Variants in SENP6 observed in about 807,000 individuals in gnomAD.
The protein encoded by SENP6 is SUMO specific peptidase 6, also known as sentrin-specific protease 6.
In SENP6, 41 loss-of-function variants were observed where a neutral mutation model predicts 134.5. That is an observed-to-expected ratio of 0.30 (90% CI 0.24 to 0.40). The LOEUF is 0.40. SENP6 is among the 10% of genes least tolerant of loss of function. The probability of loss-of-function intolerance (pLI) is 1.00; values close to 1 mark genes in which losing one functional copy is unlikely to be tolerated. For synonymous variants in SENP6, 395 were observed against 429.8 expected (o/e 0.92, Z 1.00); for missense variants, 1,248 against 1,312.5 (o/e 0.95, Z 0.76).
At chr6:75,713,479 A>G in intron 21 of SENP6, 34 bp from the exon 22 acceptor site, 1 of 1,518,418 alleles carries the variant, frequency 6.6e-7, no homozygotes, top group Non-Finnish European at 9.1e-7. Flanking sequence ...TAATATTATG[A>G]AGTATTCGAC....
chr6:75,629,844 T>G (rs976555047), intron 3 of SENP6, among the ~76,000 whole-genome samples: 2 of 152,162 alleles, frequency 1.3e-5, no homozygotes, highest in Non-Finnish European at 2.9e-5. Flanking sequence ...GACTGCAACC[T>G]GGGAGCATAG....
chr6:75,652,301 A>G (rs1770927750), intron 7 of SENP6, among the ~76,000 whole-genome samples: 2 of 151,824 alleles, frequency 1.3e-5, no homozygotes, highest in South Asian at 4.2e-4. Flanking sequence ...ATGAGCCACC[A>G]CGCCCAGCTG....
Position 75,647,900 on chromosome 6 carries a change from AATAG to A in SENP6, c.550+103_550+106del, listed in dbSNP as rs1232186028. On this transcript the variant is annotated intron_variant, in intron 7 of 23. Coordinates refer to ENST00000447266, the MANE Select transcript of SENP6 (RefSeq NM_015571.4). The stretch of plus-strand genomic sequence containing the variant: ...CTGGCTTTAGAATATTCCCAGGTAT[AATAG>A]ATATATATGTAGAAAACCATTTTTT... The A allele has an allele frequency of 6.9e-6, 6 of 863,730 alleles. No homozygotes were observed. The East Asian group carries it at 1.4e-4, about 20-fold the overall frequency. The allele number at this position is 863,730 out of a possible 1,614,324, so 53.5% of individuals were successfully genotyped here.
At chr6:75,671,365 C>T (rs1772660279) in intron 11 of SENP6, among the ~76,000 whole-genome samples, 2 of 152,114 alleles carry the variant, frequency 1.3e-5, no homozygotes, top group Admixed American at 6.5e-5. Flanking sequence ...AACTTGATGT[C>T]CCTATTTGTT....
chr6:75,650,042 C>A (rs2149851675), intron 7 of SENP6, among the ~76,000 whole-genome samples: 1 of 152,312 alleles, frequency 6.6e-6, no homozygotes, highest in Non-Finnish European at 1.5e-5. Flanking sequence ...ACGATTCATT[C>A]TGTGATCCCA....
intron 8 of SENP6, among the ~76,000 whole-genome samples, chr6:75,662,184 A>G (rs1485268909): frequency 1.3e-5 from 2 of 152,234 alleles, no homozygotes; most frequent in East Asian, 3.8e-4. Context: ...ATTTATGGGT[A>G]GAGTCTTGCA....
intron 23 of SENP6, 65 bp from the exon 24 acceptor site, chr6:75,715,320 T>G: frequency 8.3e-7 from 1 of 1,209,330 alleles, no homozygotes; most frequent in Non-Finnish European, 1.2e-6. Context: ...TTCGGAATGT[T>G]TCTGTGATTG....
At chr6:75,712,730 A>G (rs1465094421) in intron 21 of SENP6, among the ~76,000 whole-genome samples, 1 of 152,032 alleles carries the variant, frequency 6.6e-6, no homozygotes, top group Non-Finnish European at 1.5e-5. Flanking sequence ...CTGAAGTGGA[A>G]TCTTGAAAAA....
At chr6:75,641,912 T>TAA (rs796948338) in intron 6 of SENP6, among the ~76,000 whole-genome samples, 88 of 144,436 alleles carry the variant, frequency 6.1e-4, no homozygotes, top group African/African-American at 2.1e-3. Flanking sequence ...TTGAATCAAT[T>TAA]AAAAAAAAAA....
chr6:75,641,078 A>G (rs966134201), intron 6 of SENP6, among the ~76,000 whole-genome samples: 1 of 152,112 alleles, frequency 6.6e-6, no homozygotes, highest in Non-Finnish European at 1.5e-5. Context: ...GTCTAGCTGT[A>G]ATTTTGTATT....
chr6:75,657,664 A>G (rs555455355), intron 7 of SENP6, among the ~76,000 whole-genome samples: 11 of 152,212 alleles, frequency 7.2e-5, no homozygotes, highest in Admixed American at 1.3e-4. Context: ...GGGAAAACAC[A>G]TGACTAAAAC....
chr6:75,705,924 C>CTTTTTTTTTTTTTTTT lies in SENP6; in HGVS notation c.2716+2852_2716+2853insTTTTTTTTTTTTTTTT, dbSNP rs1562073188. On this transcript the variant is annotated intron_variant, in intron 19 of 23. Transcript: ENST00000447266. ...AGTGAGTTAGAAAGCTATTTTTGAG[C>CTTTTTTTTTTTTTTTT]CTTTTTTTTTTTTTTTTTTTTTTTT... is the stretch of plus-strand genomic sequence containing the variant. Among the ~76,000 whole-genome samples the CTTTTTTTTTTTTTTTT allele has an allele frequency of 5.8e-3, 518 of 89,272 alleles. 152 individuals carry two copies. The highest frequency in any genetic ancestry group is 0.021 in the Middle Eastern group (3 of 140). The allele number at this position is 89,272 out of a possible 152,430, so 58.6% of individuals were successfully genotyped here.
At chr6:75,664,739 C>T (rs1772062503) in intron 9 of SENP6, among the ~76,000 whole-genome samples, 1 of 152,158 alleles carries the variant, frequency 6.6e-6, no homozygotes. Context: ...GGGACATGTA[C>T]ATTACTCAGT....
intron 16 of SENP6, among the ~76,000 whole-genome samples, chr6:75,687,392 G>T (rs888605421): frequency 5.9e-5 from 9 of 152,140 alleles, no homozygotes; most frequent in African/African-American, 1.7e-4. Context: ...CCTGAAGCCT[G>T]CTTCTGTCAA....
Position 75,713,584 on chromosome 6 carries a change from A to G in SENP6, c.2978+3A>G. 6.2e-7 allele frequency: 1 copy of G among 1,612,834 alleles called. No individual in the cohort carries two copies. Among genetic ancestry groups the G allele is most frequent in the Non-Finnish European group, 8.5e-7 (1 of 1,178,928 alleles). On this transcript the variant is annotated splice_donor_region_variant and intron_variant, in intron 22 of 23. Transcript: ENST00000447266. The stretch of plus-strand genomic sequence containing the variant: ...AATGTTGTCAAAATTTTAAGAGAGT[A>G]AGTTCACACTTTATTTCGTATTCTG...
chr6:75,669,996 C>T (rs1448377549), intron 10 of SENP6, among the ~76,000 whole-genome samples: 3 of 151,824 alleles, frequency 2.0e-5, no homozygotes, highest in Non-Finnish European at 4.4e-5. Context: ...TGCGGTGGTG[C>T]GTTCTCAGCT....
intron 19 of SENP6, among the ~76,000 whole-genome samples, chr6:75,706,778 T>C (rs1775430035): frequency 6.6e-6 from 1 of 152,248 alleles, no homozygotes; most frequent in South Asian, 2.1e-4. Flanking sequence ...AAGTGTTGAC[T>C]ACTTATGTCA....
At chr6:75,656,670 T>G (rs543437098) in intron 7 of SENP6, among the ~76,000 whole-genome samples, 1 of 152,344 alleles carries the variant, frequency 6.6e-6, no homozygotes, top group Non-Finnish European at 1.5e-5. Context: ...GTTTTTTTCT[T>G]AACTCTCTAT....
At chr6:75,633,827 A>T in intron 4 of SENP6, 101 bp downstream of exon 4, 1 of 1,018,802 alleles carries the variant, frequency 9.8e-7, no homozygotes, top group South Asian at 2.1e-5. Flanking sequence ...TTTTCTTCTG[A>T]ATTTGTCTAT....
Sources: allele counts gnomAD v4.1 joint callset (sites outside exome capture counted in the v4.1 genomes callset), GRCh38; gene constraint gnomAD v4.1.1; transcripts MANE v1.5; gene names NCBI Gene and HGNC (gene_info 2026-07-23, HGNC 2026-07-21).